The following LMLN variants were observed in gnomAD, a reference collection of about 807,000 sequenced individuals.
LMLN encodes leishmanolysin-like peptidase.
LMLN carries 70 observed loss-of-function variants against 92.3 expected under a neutral mutation model. That is an observed-to-expected ratio of 0.76 (90% confidence interval 0.63 to 0.92). The LOEUF is 0.92. Among genes scored for constraint, LMLN ranks in the 40% least tolerant of loss-of-function variants. The probability of loss-of-function intolerance (pLI) is 0.00; values close to 1 mark genes in which losing one functional copy is unlikely to be tolerated. For missense variants in LMLN, 691 were observed against 814.6 expected, an observed-to-expected ratio of 0.85 and a Z score of 1.85; for synonymous variants, 308 against 296.2, an observed-to-expected ratio of 1.04 and a Z score of -0.41.
In LMLN at chr3:197,985,783, C is replaced by T; in HGVS notation, c.835-13C>T. On this transcript the variant is annotated splice_polypyrimidine_tract_variant and intron_variant, in intron 7 of 15. Coordinates refer to ENST00000330198, the Ensembl canonical transcript of LMLN. ...GTTTTTCACTTGAAGACATTTTGAA[C>T]TTTTTCTTACAGGGTTTCTCTGCTG... 1 of 1,595,232 alleles carries T rather than the reference C, an allele frequency of 6.3e-7. No individual in the cohort carries two copies. Among genetic ancestry groups the T allele is most frequent in the East Asian group, 2.2e-5 (1 of 44,756 alleles).
At chr3:198,014,718 C>T (rs1236685810) in intron 11 of LMLN, among the ~76,000 whole-genome samples, 2 of 144,028 alleles carry the variant, frequency 1.4e-5, no homozygotes, top group Non-Finnish European at 3.1e-5. Context: ...TCTGACTTCT[C>T]TCCACTCTTC....
chr3:198,006,958 G>A (rs1285107934), intron 11 of LMLN, among the ~76,000 whole-genome samples: 1 of 152,132 alleles, frequency 6.6e-6, no homozygotes, highest in African/African-American at 2.4e-5. Context: ...TGATCCACCT[G>A]CCTCAGCCTC....
chr3:197,971,680 G>A (rs1012328057), intron 1 of LMLN, among the ~76,000 whole-genome samples: 1 of 152,114 alleles, frequency 6.6e-6, no homozygotes, highest in Non-Finnish European at 1.5e-5. Context: ...CGCCTCCCGG[G>A]TTCAAGTGAT....
intron 15 of LMLN, among the ~76,000 whole-genome samples, chr3:198,036,366 A>C (rs1225450827): frequency 4.6e-5 from 7 of 152,220 alleles, no homozygotes; most frequent in African/African-American, 1.7e-4. Context: ...AATTCTGCTC[A>C]TTAAATACAA....
In LMLN at chr3:197,960,319, G is replaced by C. The variant is rs746878788; in HGVS notation, c.98G>C (p.Gly33Ala). The change falls in exon 1 of 16, where the codon GGG becomes GCG. Residue 33 changes from glycine to alanine, a missense_variant. Gly to Ala is a moderately conservative substitution (Grantham distance 60). Transcript: ENST00000330198. ...GGCCGGAGCCGGTGGCGCTGGAGCGGGTCTGTGTGGGTCCGAAGCGTTTTA... is the reference window on the plus strand; with the variant it reads ...GGCCGGAGCCGGTGGCGCTGGAGCGCGTCTGTGTGGGTCCGAAGCGTTTTA... 6.2e-7 allele frequency: 1 copy of C among 1,613,870 alleles called. No individual in the cohort carries two copies. Among genetic ancestry groups the C allele is most frequent in the Non-Finnish European group, 8.5e-7 (1 of 1,179,944 alleles).
intron 5 of LMLN, among the ~76,000 whole-genome samples, chr3:197,977,500 G>A (rs960677130): frequency 7.0e-6 from 1 of 142,876 alleles, no homozygotes; most frequent in Non-Finnish European, 1.5e-5. Context: ...ATATAAAAAT[G>A]ATCAAACAAT....
chr3:198,018,501 T>C (rs1224780102), intron 11 of LMLN, among the ~76,000 whole-genome samples: 1 of 152,230 alleles, frequency 6.6e-6, no homozygotes, highest in Non-Finnish European at 1.5e-5. Flanking sequence ...TAGGCTGTGC[T>C]GCTTCCCATT....
chr3:197,975,778 A>G (rs1721357948), intron 3 of LMLN, among the ~76,000 whole-genome samples: 1 of 152,174 alleles, frequency 6.6e-6, no homozygotes, highest in Admixed American at 6.5e-5. Flanking sequence ...CTGGCTTTCT[A>G]TTTAAATGGG....
intron 9 of LMLN, among the ~76,000 whole-genome samples, chr3:197,994,066 AT>A (rs1721954587): frequency 6.6e-6 from 1 of 152,218 alleles, no homozygotes; most frequent in African/African-American, 2.4e-5. Context: ...GGATATCCAT[AT>A]GCAGAAGAAT....
chr3:198,006,915 G>A (rs1431878674), intron 11 of LMLN, among the ~76,000 whole-genome samples: 7 of 152,186 alleles, frequency 4.6e-5, no homozygotes, highest in Non-Finnish European at 1.0e-4. Flanking sequence ...GTTTTACCAT[G>A]TTGGCCAGGC....
chr3:198,039,006 A>G (rs1723321320), exon 16 of LMLN: 1 of 253,458 alleles, frequency 3.9e-6, no homozygotes, highest in Non-Finnish European at 7.9e-6. Context: ...AGCCACCTTC[A>G]TCAGCAACCC....
chr3:197,972,813 G>A (rs1359258776), intron 1 of LMLN, among the ~76,000 whole-genome samples: 1 of 151,822 alleles, frequency 6.6e-6, no homozygotes, highest in East Asian at 1.9e-4. Flanking sequence ...GCATACATAT[G>A]TAATTTCGTT....
At chr3:198,023,069 T>C (rs993281679) in intron 13 of LMLN, among the ~76,000 whole-genome samples, 1 of 152,154 alleles carries the variant, frequency 6.6e-6, no homozygotes, top group African/African-American at 2.4e-5. Context: ...ATAAGGTCTC[T>C]AGCTTTCTGA....
Position 197,980,515 on chromosome 3 carries a change from C to G in LMLN, c.728+11C>G, listed in dbSNP as rs971027314. The G allele has an allele frequency of 1.2e-6, 2 of 1,606,108 alleles. No homozygotes were observed. The highest frequency in any genetic ancestry group is 2.2e-5 in the South Asian group (2 of 90,852). ...AGCAAACATGGACAGGTAATCTTTC[C>G]TCCGGGACTTAGTTTCCAAGATCTA... is the stretch of plus-strand genomic sequence containing the variant. On this transcript the variant is annotated intron_variant, in intron 6 of 15. Transcript: ENST00000330198.
chr3:197,961,297 C>T (rs964898510), intron 1 of LMLN, among the ~76,000 whole-genome samples: 3 of 152,092 alleles, frequency 2.0e-5, no homozygotes, highest in Admixed American at 2.0e-4. Context: ...GGTGGGTCCA[C>T]GATAATCCAT....
At chr3:198,006,868 A>G (rs558016226) in intron 11 of LMLN, among the ~76,000 whole-genome samples, 32 of 152,150 alleles carry the variant, frequency 2.1e-4, no homozygotes, top group African/African-American at 7.2e-4. Context: ...ACGTACCACT[A>G]TGTCTGGCTA....
At chr3:197,967,352 C>T (rs1331820289) in intron 1 of LMLN, among the ~76,000 whole-genome samples, 1 of 152,190 alleles carries the variant, frequency 6.6e-6, no homozygotes, top group Non-Finnish European at 1.5e-5. Context: ...GCTGGGCCTC[C>T]AGGGATGACA....
chr3:198,005,430 A>G (rs963244253), intron 11 of LMLN, among the ~76,000 whole-genome samples: 5 of 152,098 alleles, frequency 3.3e-5, no homozygotes, highest in Non-Finnish European at 5.9e-5. Context: ...ATAAAATGGA[A>G]TAGTATTTGC....
intron 3 of LMLN, among the ~76,000 whole-genome samples, chr3:197,975,545 A>G (rs1721348980): frequency 6.6e-6 from 1 of 152,144 alleles, no homozygotes; most frequent in African/African-American, 2.4e-5. Context: ...ACACATGCAC[A>G]CACACAAAGC....
Sources: allele counts gnomAD v4.1 joint callset (sites outside exome capture counted in the v4.1 genomes callset), GRCh38; gene constraint gnomAD v4.1.1; transcripts MANE v1.5; gene names NCBI Gene and HGNC (gene_info 2026-07-23, HGNC 2026-07-21).